Variants in PEAK1 observed in about 807,000 individuals in gnomAD.
The protein encoded by PEAK1 is pseudopodium enriched atypical kinase 1, also known as inactive tyrosine-protein kinase PEAK1.
A neutral mutation model predicts 124.7 loss-of-function variants in PEAK1; 54 were observed. The observed-to-expected ratio is 0.43, with a 90% CI of 0.35 to 0.54. The LOEUF is 0.54. PEAK1 is among the 20% of genes least tolerant of loss of function. The probability of loss-of-function intolerance (pLI) is 0.01; values close to 1 mark genes in which losing one functional copy is unlikely to be tolerated. For missense variants in PEAK1, 2,046 were observed against 2,134.5 expected, an observed-to-expected ratio of 0.96 and a Z score of 0.82; for synonymous variants, 719 against 760.0, an observed-to-expected ratio of 0.95 and a Z score of 0.89.
At chr15:77,347,671 C>T in intron 2 of PEAK1, 2 of 974,240 alleles carry the variant, frequency 2.1e-6, no homozygotes, top group South Asian at 4.8e-5. Context: ...TAAAACAACA[C>T]CCTCCTAAAA....
chr15:77,418,171 G>A (rs1305725526), intron 1 of PEAK1: 64 of 984,812 alleles, frequency 6.5e-5, no homozygotes, highest in Non-Finnish European at 7.5e-5. Flanking sequence ...GAATAGTTGA[G>A]GTATCATAAT....
chr15:77,243,128 C>T (rs2060431108), intron 6 of PEAK1, among the ~76,000 whole-genome samples: 1 of 152,130 alleles, frequency 6.6e-6, no homozygotes, highest in Non-Finnish European at 1.5e-5. Flanking sequence ...GAAATGCTTT[C>T]CCTAGTTTAT....
Position 77,108,796 on chromosome 15 carries a change from AAAACAAAACC to A in PEAK1, c.*5350_*5359del, listed in dbSNP as rs1204881074. ...ATTCCCTGAAACTTTCTTGATTTAA[AAAACAAAACC>A]AAACCAAACCAAACCATGGGGGTGA... On this transcript the variant is annotated 3_prime_UTR_variant, in exon 10 of 10. Transcript: ENST00000682557. 1.3e-5 allele frequency: 2 copies of A among 152,176 alleles called. No homozygotes were observed. The highest frequency in any genetic ancestry group is 2.9e-5 in the Non-Finnish European group (2 of 68,030). The allele number at this position is 152,176 out of a possible 1,614,324, so 9.4% of individuals were successfully genotyped here.
chr15:77,355,098 A>G (rs1010083764), intron 2 of PEAK1, among the ~76,000 whole-genome samples: 1 of 152,154 alleles, frequency 6.6e-6, no homozygotes, highest in Non-Finnish European at 1.5e-5. Flanking sequence ...GTGAAAATAA[A>G]TAAGAAACAC....
chr15:77,415,374 T>C (rs913831484), intron 1 of PEAK1, among the ~76,000 whole-genome samples: 6 of 152,228 alleles, frequency 3.9e-5, no homozygotes, highest in African/African-American at 7.2e-5. Flanking sequence ...ACAGACTATC[T>C]TTTTTTCCAT....
intron 8 of PEAK1, among the ~76,000 whole-genome samples, chr15:77,153,670 T>C (rs947774444): frequency 1.3e-5 from 2 of 152,186 alleles, no homozygotes; most frequent in African/African-American, 4.8e-5. Flanking sequence ...GTCCCAGAGA[T>C]TCTGGTATGT....
chr15:77,307,136 T>C (rs1567236566), intron 2 of PEAK1, among the ~76,000 whole-genome samples: 1 of 152,118 alleles, frequency 6.6e-6, no homozygotes, highest in East Asian at 1.9e-4. Flanking sequence ...GTAACCTTCA[T>C]GCATTTTTCA....
intron 1 of PEAK1, among the ~76,000 whole-genome samples, chr15:77,406,487 C>T (rs1052162425): frequency 4.6e-5 from 7 of 152,106 alleles, no homozygotes; most frequent in Admixed American, 2.0e-4. Context: ...ATACCAACAG[C>T]GGCCAAGCTG....
At chr15:77,342,280 A>T (rs2066590989) in intron 2 of PEAK1, among the ~76,000 whole-genome samples, 1 of 152,004 alleles carries the variant, frequency 6.6e-6, no homozygotes. Flanking sequence ...TTATCATGCA[A>T]ATCTGAAACT....
intron 1 of PEAK1, among the ~76,000 whole-genome samples, chr15:77,390,514 T>C (rs1410602017): frequency 6.6e-6 from 1 of 152,226 alleles, no homozygotes; most frequent in African/African-American, 2.4e-5. Context: ...GGTAGGCCTC[T>C]GTAAAACTCC....
At chr15:77,306,049 C>T (rs764586982) in intron 2 of PEAK1, among the ~76,000 whole-genome samples, 1 of 152,074 alleles carries the variant, frequency 6.6e-6, no homozygotes, top group Non-Finnish European at 1.5e-5. Flanking sequence ...ATGAAAGGTA[C>T]TTAGACATAT....
chr15:77,379,691 G>A (rs1375442097), intron 1 of PEAK1, among the ~76,000 whole-genome samples: 1 of 152,046 alleles, frequency 6.6e-6, no homozygotes, highest in African/African-American at 2.4e-5. Flanking sequence ...TAAGAGGATT[G>A]GTTAGGTCCA....
chr15:77,291,739 A>G (rs777580026), intron 2 of PEAK1, among the ~76,000 whole-genome samples: 2 of 152,074 alleles, frequency 1.3e-5, no homozygotes, highest in African/African-American at 4.8e-5. Context: ...GCACTTTGGG[A>G]GGCCGAGGCA....
rs540713410 is a variant in PEAK1, at chr15:77,254,097, G to A, written c.-274-1571C>T. On this transcript the variant is annotated intron_variant, in intron 5 of 9. Coordinates refer to ENST00000682557, the MANE Select transcript of PEAK1 (RefSeq NM_001385026.1). ...GGCCTCCCAAAGTGCTAGAATTACA[G>A]GTGTGAGCCACTGCGCCTGGCCTAT... Among the ~76,000 whole-genome samples the A allele has an allele frequency of 2.6e-5, 4 of 152,306 alleles. No homozygotes were observed. In the East Asian group the frequency reaches 7.7e-4, roughly 29 times the overall value.
At chr15:77,273,335 T>C (rs1343680346) in intron 5 of PEAK1, among the ~76,000 whole-genome samples, 1 of 152,160 alleles carries the variant, frequency 6.6e-6, no homozygotes, top group East Asian at 1.9e-4. Flanking sequence ...TGTCACTGTT[T>C]GCTGATGACA....
chr15:77,305,628 T>C (rs1025960551), intron 2 of PEAK1, among the ~76,000 whole-genome samples: 1 of 152,118 alleles, frequency 6.6e-6, no homozygotes, highest in African/African-American at 2.4e-5. Flanking sequence ...AAACAGAGAA[T>C]GAGTAGGACA....
intron 1 of PEAK1, among the ~76,000 whole-genome samples, chr15:77,375,169 T>C (rs2068915129): frequency 6.6e-6 from 1 of 152,228 alleles, no homozygotes; most frequent in Admixed American, 6.5e-5. Context: ...ATTGAACACC[T>C]ATATACTATC....
chr15:77,389,652 CA>C (rs917169891), intron 1 of PEAK1, among the ~76,000 whole-genome samples: 3 of 152,108 alleles, frequency 2.0e-5, no homozygotes, highest in Non-Finnish European at 2.9e-5. Flanking sequence ...GGACAGAGTA[CA>C]AATTAGATTA....
intron 1 of PEAK1, chr15:77,403,253 T>C (rs2071528821): frequency 2.0e-6 from 2 of 985,220 alleles, no homozygotes; most frequent in Admixed American, 6.2e-5. Flanking sequence ...TATCTCCCAA[T>C]ACCAACAACA....
Sources: allele counts gnomAD v4.1 joint callset (sites outside exome capture counted in the v4.1 genomes callset), GRCh38; gene constraint gnomAD v4.1.1; transcripts MANE v1.5; gene names NCBI Gene and HGNC (gene_info 2026-07-23, HGNC 2026-07-21).